The following SPPL3 variants were observed in gnomAD, a reference collection of about 807,000 sequenced individuals.
The protein encoded by SPPL3 is signal peptide peptidase-like 3.
In SPPL3, 5 loss-of-function variants were observed where a neutral mutation model predicts 42.4. The ratio of observed to expected loss-of-function variants is 0.12; its 90% CI spans 0.06 to 0.25. SPPL3 has a LOEUF of 0.25. Among genes scored for constraint, SPPL3 ranks in the 10% least tolerant of loss-of-function variants. The probability of loss-of-function intolerance (pLI) is 1.00; values close to 1 mark genes in which losing one functional copy is unlikely to be tolerated. For missense variants in SPPL3, 235 were observed against 489.0 expected (o/e 0.48, Z 4.90); for synonymous variants, 195 against 181.8 (o/e 1.07, Z -0.58).
intron 10 of SPPL3, among the ~76,000 whole-genome samples, chr12:120,765,354 C>T (rs1868846857): frequency 6.6e-6 from 1 of 151,610 alleles, no homozygotes; most frequent in Non-Finnish European, 1.5e-5. Context: ...GTGGCGAGAT[C>T]TCAGCTCACT....
At chr12:120,820,403 C>T (rs547119387) in intron 1 of SPPL3, among the ~76,000 whole-genome samples, 1 of 151,100 alleles carries the variant, frequency 6.6e-6, no homozygotes, top group South Asian at 2.1e-4. Context: ...GCAAGCTCCG[C>T]CTCCCAGGTT....
At chr12:120,878,515 GATTC>G (rs1422127855) in intron 1 of SPPL3, among the ~76,000 whole-genome samples, 6 of 152,278 alleles carry the variant, frequency 3.9e-5, no homozygotes, top group Non-Finnish European at 8.8e-5. Flanking sequence ...ATGGGCTGCT[GATTC>G]ATTCATTTGC....
intron 5 of SPPL3, among the ~76,000 whole-genome samples, chr12:120,783,257 G>C (rs761404081): frequency 6.6e-5 from 10 of 152,122 alleles, no homozygotes; most frequent in Non-Finnish European, 1.5e-5. Context: ...ATGACTTTCA[G>C]AGTTAAGGTG....
rs1868809295 is a variant in SPPL3, at chr12:120,764,632, T to C, written c.*367A>G. ...GGTTTGCTAATTTTTTTCATCCTTT[T>C]AGTGTTCAAAAGTTCTAGAAAGACT... On this transcript the variant is annotated 3_prime_UTR_variant, in exon 11 of 11. Coordinates refer to ENST00000353487, the MANE Select transcript of SPPL3 (RefSeq NM_139015.5). 5.2e-6 allele frequency: 2 copies of C among 381,084 alleles called. No homozygotes were observed. The highest frequency in any genetic ancestry group is 7.5e-5 in the East Asian group (2 of 26,506). The allele number at this position is 381,084 out of a possible 1,614,324, so 23.6% of individuals were successfully genotyped here.
At chr12:120,880,370 A>G (rs1417303167) in intron 1 of SPPL3, among the ~76,000 whole-genome samples, 5 of 152,164 alleles carry the variant, frequency 3.3e-5, no homozygotes, top group Admixed American at 3.3e-4. Flanking sequence ...GGCAGATTTC[A>G]TGGATGTGAC....
chr12:120,820,239 C>T (rs369195235), intron 1 of SPPL3, among the ~76,000 whole-genome samples: 45 of 150,314 alleles, frequency 3.0e-4, no homozygotes, highest in African/African-American at 1.1e-3. Context: ...TCCATGCTTA[C>T]AGAAATGTTC....
At chr12:120,819,409 T>C (rs2137007719) in intron 1 of SPPL3, among the ~76,000 whole-genome samples, 1 of 152,312 alleles carries the variant, frequency 6.6e-6, no homozygotes, top group African/African-American at 2.4e-5. Flanking sequence ...ATCATATTGT[T>C]AGTACCATTC....
intron 2 of SPPL3, among the ~76,000 whole-genome samples, chr12:120,801,765 T>C (rs1870305290): frequency 6.6e-6 from 1 of 152,236 alleles, no homozygotes. Flanking sequence ...CAGCAGGCTT[T>C]ATAGGTGAAT....
rs372218050 is a variant in SPPL3, at chr12:120,764,607, G to C, written c.*392C>G. Reference sequence around the variant, plus strand: ...CTCGAGGGGTCATTGAAGAAACTTCGGTTTGCTAATTTTTTTCATCCTTTT... The same window carrying C: ...CTCGAGGGGTCATTGAAGAAACTTCCGTTTGCTAATTTTTTTCATCCTTTT... On this transcript the variant is annotated 3_prime_UTR_variant, in exon 11 of 11. Coordinates refer to ENST00000353487, the MANE Select transcript of SPPL3 (RefSeq NM_139015.5). The C allele has an allele frequency of 1.1e-5, 4 of 348,442 alleles. No homozygotes were observed. The highest frequency in any genetic ancestry group is 2.0e-5 in the Non-Finnish European group (4 of 195,210). 21.6% of individuals were successfully genotyped at this position (348,442 alleles called of 1,614,324 possible).
chr12:120,846,963 T>C (rs1191787849), intron 1 of SPPL3, among the ~76,000 whole-genome samples: 1 of 152,212 alleles, frequency 6.6e-6, no homozygotes, highest in Non-Finnish European at 1.5e-5. Context: ...GTTAAGCTTG[T>C]GCAGTAATTA....
intron 1 of SPPL3, among the ~76,000 whole-genome samples, chr12:120,868,523 T>C (rs1368907863): frequency 6.6e-6 from 1 of 152,194 alleles, no homozygotes; most frequent in Non-Finnish European, 1.5e-5. Flanking sequence ...ATTCTCACTC[T>C]GTCACTAGAG....
intron 2 of SPPL3, among the ~76,000 whole-genome samples, chr12:120,806,172 A>G (rs1406519615): frequency 6.6e-6 from 1 of 150,628 alleles, no homozygotes; most frequent in Non-Finnish European, 1.5e-5. Context: ...ACCAGACCTA[A>G]TAACTATCTT....
At chr12:120,780,660 G>A (rs1869497974) in intron 6 of SPPL3, among the ~76,000 whole-genome samples, 1 of 151,608 alleles carries the variant, frequency 6.6e-6, no homozygotes, top group African/African-American at 2.4e-5. Flanking sequence ...GGCTGAGGCG[G>A]GTGGATCACC....
chr12:120,895,686 A>G (rs2137070099), intron 1 of SPPL3, among the ~76,000 whole-genome samples: 1 of 152,240 alleles, frequency 6.6e-6, no homozygotes, highest in Non-Finnish European at 1.5e-5. Flanking sequence ...CAGAACAAAC[A>G]GCGTGCTTTC....
At chr12:120,804,055 G>T (rs1870413036) in intron 2 of SPPL3, among the ~76,000 whole-genome samples, 1 of 152,118 alleles carries the variant, frequency 6.6e-6, no homozygotes, top group African/African-American at 2.4e-5. Context: ...ATCTCTGCAG[G>T]CTTACTAACC....
chr12:120,805,193 G>C (rs1420915286), intron 2 of SPPL3, among the ~76,000 whole-genome samples: 1 of 152,116 alleles, frequency 6.6e-6, no homozygotes, highest in Non-Finnish European at 1.5e-5. Context: ...AAAACCCACT[G>C]AATTGTATAC....
intron 3 of SPPL3, among the ~76,000 whole-genome samples, chr12:120,785,504 A>C (rs1869691248): frequency 6.6e-6 from 1 of 152,154 alleles, no homozygotes; most frequent in Non-Finnish European, 1.5e-5. Context: ...GAGAACCATT[A>C]ATAGAGTATT....
intron 1 of SPPL3, among the ~76,000 whole-genome samples, chr12:120,820,107 A>G (rs1397738143): frequency 6.6e-6 from 1 of 152,176 alleles, no homozygotes; most frequent in Non-Finnish European, 1.5e-5. Flanking sequence ...AGCTCTGGCT[A>G]TGCAAACTGC....
At chr12:120,888,868 G>A (rs140790707) in intron 1 of SPPL3, among the ~76,000 whole-genome samples, 18 of 152,154 alleles carry the variant, frequency 1.2e-4, no homozygotes, top group African/African-American at 3.6e-4. Context: ...GAGTACAATG[G>A]GTGCAATCTC....
Sources: gnomAD v4.1 joint callset for allele counts (sites outside exome capture counted in the v4.1 genomes callset) on GRCh38, gnomAD v4.1.1 for gene constraint, MANE v1.5 for transcripts, NCBI Gene and HGNC (gene_info 2026-07-23, HGNC 2026-07-21) for gene names.